Variants in EPB41L5 observed in about 807,000 individuals in gnomAD.
The protein encoded by EPB41L5 is erythrocyte membrane protein band 4.1 like 5, also known as band 4.1-like protein 5.
In EPB41L5, 55 loss-of-function variants were observed where a neutral mutation model predicts 106.6. The ratio of observed to expected loss-of-function variants is 0.52; its 90% CI spans 0.42 to 0.65. The LOEUF (loss-of-function observed/expected upper bound fraction) is 0.65. Ranked by LOEUF, EPB41L5 falls within the 30% of genes least tolerant of loss-of-function variation. EPB41L5 has a pLI of 0.00. For synonymous variants in EPB41L5, 297 were observed against 306.7 expected (o/e 0.97, Z 0.33); for missense variants, 871 against 882.1 (o/e 0.99, Z 0.16).
At chr2:120,148,147 T>G (rs1686493939) in intron 20 of EPB41L5, among the ~76,000 whole-genome samples, 1 of 151,956 alleles carries the variant, frequency 6.6e-6, no homozygotes, top group Non-Finnish European at 1.5e-5. Flanking sequence ...TTAGATCATT[T>G]TTCTTTCTTT....
intron 3 of EPB41L5, among the ~76,000 whole-genome samples, chr2:120,054,278 G>T (rs1190978546): frequency 1.3e-5 from 2 of 152,080 alleles, no homozygotes; most frequent in Non-Finnish European, 2.9e-5. Context: ...CTGTTGAGTT[G>T]TAAGAGTTCT....
intron 21 of EPB41L5, among the ~76,000 whole-genome samples, chr2:120,163,726 A>G (rs943573676): frequency 1.3e-5 from 2 of 151,154 alleles, no homozygotes; most frequent in African/African-American, 4.9e-5. Flanking sequence ...AGGCCAGGGT[A>G]GGAGGATCAC....
intron 16 of EPB41L5, among the ~76,000 whole-genome samples, chr2:120,120,293 G>A (rs1486424724): frequency 5.3e-5 from 8 of 151,930 alleles, no homozygotes; most frequent in African/African-American, 1.2e-4. Context: ...CTAGCCAGGC[G>A]TAGTGGCACG....
intron 2 of EPB41L5, among the ~76,000 whole-genome samples, chr2:120,036,213 A>G (rs1679029390): frequency 6.6e-6 from 1 of 152,236 alleles, no homozygotes; most frequent in African/African-American, 2.4e-5. Flanking sequence ...TTCCTCCACC[A>G]AACTCTTAGA....
At chr2:120,096,126 G>A (rs1380817943) in intron 14 of EPB41L5, among the ~76,000 whole-genome samples, 1 of 152,070 alleles carries the variant, frequency 6.6e-6, no homozygotes, top group Non-Finnish European at 1.5e-5. Flanking sequence ...GAATTTGTCT[G>A]TACTCTTATA....
Position 120,174,988 on chromosome 2 carries a change from T to C in EPB41L5, c.*81T>C. On this transcript the variant is annotated 3_prime_UTR_variant, in exon 25 of 25. Transcript: ENST00000263713. ...GCTAGAATATGTTGGATTCAGGAGC[T>C]TGTCCATTATTTGTAGGTAAAAAAA... The C allele has an allele frequency of 7.5e-7, 1 of 1,332,008 alleles. No individual in the cohort carries two copies. Among genetic ancestry groups the C allele is most frequent in the Non-Finnish European group, 1.1e-6 (1 of 924,270 alleles). The allele number at this position is 1,332,008 out of a possible 1,614,324, so 82.5% of individuals were successfully genotyped here. A position where few individuals can be genotyped will look rare whatever the true frequency, so the allele number is the denominator to read the frequency against.
intron 16 of EPB41L5, chr2:120,106,254 G>A (rs1032567846): frequency 5.1e-6 from 5 of 985,352 alleles, no homozygotes; most frequent in East Asian, 1.1e-4. Flanking sequence ...GCAGCGATAG[G>A]GGTGAGGAAA....
intron 16 of EPB41L5, among the ~76,000 whole-genome samples, chr2:120,120,515 T>C (rs954507865): frequency 6.6e-6 from 1 of 150,780 alleles, no homozygotes; most frequent in South Asian, 2.1e-4. Flanking sequence ...AAAAGTTTGC[T>C]AAAATGGAAC....
At chr2:120,134,031 A>G (rs1474555668) in intron 18 of EPB41L5, among the ~76,000 whole-genome samples, 1 of 152,032 alleles carries the variant, frequency 6.6e-6, no homozygotes, top group Admixed American at 6.6e-5. Context: ...GTCTTGAGGG[A>G]AAGTATCCAG....
chr2:120,079,489 C>T (rs1223357776), intron 10 of EPB41L5, among the ~76,000 whole-genome samples: 1 of 152,122 alleles, frequency 6.6e-6, no homozygotes, highest in Non-Finnish European at 1.5e-5. Context: ...TGAGAGTTTC[C>T]TTGCCCTCCT....
At chr2:120,134,833 A>G (rs182811001) in intron 18 of EPB41L5, among the ~76,000 whole-genome samples, 42 of 152,336 alleles carry the variant, frequency 2.8e-4, no homozygotes, top group African/African-American at 1.0e-3. Flanking sequence ...TTCTTAAGAC[A>G]GATGGGTAGA....
At chr2:120,030,203 T>C (rs1400565455) in intron 2 of EPB41L5, among the ~76,000 whole-genome samples, 1 of 152,180 alleles carries the variant, frequency 6.6e-6, no homozygotes, top group Non-Finnish European at 1.5e-5. Context: ...AAAGACCCCC[T>C]TCTTGCCTGG....
At chr2:120,026,487 G>A (rs1678325435) in intron 2 of EPB41L5, among the ~76,000 whole-genome samples, 1 of 152,172 alleles carries the variant, frequency 6.6e-6, no homozygotes, top group East Asian at 1.9e-4. Flanking sequence ...TCCTGCCTCA[G>A]CCTCCGGAGT....
chr2:120,067,456 C>T (rs1046026084), intron 3 of EPB41L5, among the ~76,000 whole-genome samples: 5 of 152,102 alleles, frequency 3.3e-5, no homozygotes, highest in African/African-American at 7.2e-5. Flanking sequence ...AACACAGTCA[C>T]GTATATCTTA....
intron 20 of EPB41L5, among the ~76,000 whole-genome samples, chr2:120,160,354 T>C (rs1687088836): frequency 6.6e-6 from 1 of 152,254 alleles, no homozygotes; most frequent in Non-Finnish European, 1.5e-5. Flanking sequence ...AAAATATTGA[T>C]GCACTATAGA....
Position 120,075,758 on chromosome 2 carries a change from G to A in EPB41L5, c.505+5G>A, listed in dbSNP as rs368014829. ...TGGCAGCTTATAATCTGCAAGGTAA[G>A]CAATTCTTATGTTGACTGTTAAGAC... On this transcript the variant is annotated splice_donor_5th_base_variant and intron_variant, in intron 7 of 24. Transcript: ENST00000263713. 6.2e-6 allele frequency: 10 copies of A among 1,610,194 alleles called. No individual in the cohort carries two copies. The highest frequency in any genetic ancestry group is 2.7e-5 in the African/African-American group (2 of 74,826).
chr2:120,109,939 C>T (rs1407013624), intron 16 of EPB41L5, among the ~76,000 whole-genome samples: 1 of 152,186 alleles, frequency 6.6e-6, no homozygotes, highest in Non-Finnish European at 1.5e-5. Flanking sequence ...GAATGATGTT[C>T]ACATAATTTA....
chr2:120,152,890 T>G (rs1158404028), intron 20 of EPB41L5, among the ~76,000 whole-genome samples: 1 of 152,258 alleles, frequency 6.6e-6, no homozygotes, highest in East Asian at 1.9e-4. Flanking sequence ...AGTAAATTGC[T>G]CATAGTATTT....
At chr2:120,131,762 C>G in intron 18 of EPB41L5, 47 bp downstream of exon 18, 1 of 1,341,882 alleles carries the variant, frequency 7.5e-7, no homozygotes, top group Non-Finnish European at 1.1e-6. Context: ...CTCCAGAGCT[C>G]CCAGAAATAT....
Sources: allele counts gnomAD v4.1 joint callset (sites outside exome capture counted in the v4.1 genomes callset), GRCh38; gene constraint gnomAD v4.1.1; transcripts MANE v1.5; gene names NCBI Gene and HGNC (gene_info 2026-07-23, HGNC 2026-07-21).